ATG2B: variants seen among roughly 807,000 people sequenced by gnomAD.
The protein encoded by ATG2B is autophagy related 2B, also known as autophagy-related protein 2 homolog B.
Under a neutral mutation model 241.3 loss-of-function variants are expected in ATG2B, and 121 were observed. The observed-to-expected ratio is 0.50, with a 90% CI of 0.43 to 0.58. The LOEUF is 0.58. Ranked by LOEUF, ATG2B falls within the 20% of genes least tolerant of loss-of-function variation. ATG2B has a pLI of 0.00. For synonymous variants in ATG2B, 858 were observed against 876.6 expected (o/e 0.98, Z 0.37); for missense variants, 2,306 against 2,491.6 (o/e 0.93, Z 1.59).
At position 96,332,675 on chromosome 14, in the gene ATG2B, G is replaced by A. The variant is rs755074890; in HGVS notation, c.1208-20C>T. On this transcript the variant is annotated intron_variant, in intron 8 of 41. Transcript: ENST00000359933. ...CTTCTTCTAGAGAGAATTAAACTATGTCACTTGTATTATAATCCCACCAAT... is the reference window on the plus strand; with the variant it reads ...CTTCTTCTAGAGAGAATTAAACTATATCACTTGTATTATAATCCCACCAAT... The A allele has an allele frequency of 6.6e-7, 1 of 1,524,590 alleles. No individual in the cohort carries two copies. Among genetic ancestry groups the A allele is most frequent in the East Asian group, 2.3e-5 (1 of 43,982 alleles). 94.4% of individuals were successfully genotyped at this position (1,524,590 alleles called of 1,614,324 possible).
chr14:96,334,423 C>T lies in ATG2B; in HGVS notation c.1003G>A (p.Ala335Thr), dbSNP rs146136577. 1.9e-6 allele frequency: 3 copies of T among 1,608,928 alleles called. No individual in the cohort carries two copies. Among genetic ancestry groups the T allele is most frequent in the Non-Finnish European group, 2.5e-6 (3 of 1,177,828 alleles). The change falls in exon 7 of 42, where the codon GCA becomes ACA. Residue 335 changes from alanine (A) to threonine (T), a missense_variant. By Grantham distance (58) the Ala-to-Thr change is moderately conservative. This residue lies in a region of ATG2B where 1,927 missense variants were observed against 2,011.2 expected (regional missense o/e 0.96). Coordinates refer to ENST00000359933, the MANE Select transcript of ATG2B (RefSeq NM_018036.7). ...TACTTGCCTGGTCCAGCAATAGCTG[C>T]CAACATATCCAAAAGCAAGTGCACC... is the stretch of plus-strand genomic sequence containing the variant. Reference protein sequence around the residue: ...RQVHLLLDMLAAIAGPENSSK... With the variant: ...RQVHLLLDMLTAIAGPENSSK...
intron 1 of ATG2B, 81 bp downstream of exon 1, chr14:96,362,734 C>T (rs1035212893): frequency 8.5e-6 from 12 of 1,409,068 alleles, no homozygotes; most frequent in Admixed American, 4.5e-5. Flanking sequence ...GACTGACTGT[C>T]ACCAATCTTG....
intron 6 of ATG2B, among the ~76,000 whole-genome samples, chr14:96,336,169 AC>A (rs1240483477): frequency 2.0e-5 from 3 of 151,804 alleles, no homozygotes; most frequent in East Asian, 1.9e-4. Flanking sequence ...AAAAAAAAAA[AC>A]ATGAAATCTT....
intron 6 of ATG2B, among the ~76,000 whole-genome samples, chr14:96,340,601 C>T (rs1888007230): frequency 6.6e-6 from 1 of 152,028 alleles, no homozygotes; most frequent in Non-Finnish European, 1.5e-5. Flanking sequence ...TACTGATTAT[C>T]ACTTAACTTA....
At chr14:96,315,003 T>C (rs1311902018) in intron 23 of ATG2B, 151 bp downstream of exon 23, 12 of 633,978 alleles carry the variant, frequency 1.9e-5, no homozygotes, top group Non-Finnish European at 2.7e-5. Context: ...TACTGTTCTA[T>C]TTCTTAACCT....
rs972744525 is a variant in ATG2B at position 96,363,045 on chromosome 14, C to A, written c.-69G>T. 1 of 1,586,510 alleles carries A rather than the reference C, an allele frequency of 6.3e-7. No homozygotes were observed. Among genetic ancestry groups the A allele is most frequent in the African/African-American group, 1.3e-5 (1 of 74,118 alleles). The stretch of plus-strand genomic sequence containing the variant: ...CGGCTCCGGCCTCGGGGTAGCGACT[C>A]CGGCTCCAGGCCGCGGCGGGGCCTA... On this transcript the variant is annotated 5_prime_UTR_variant, in exon 1 of 42. Coordinates refer to ENST00000359933, the MANE Select transcript of ATG2B (RefSeq NM_018036.7).
intron 16 of ATG2B, among the ~76,000 whole-genome samples, chr14:96,323,379 A>C (rs1887507670): frequency 6.6e-6 from 1 of 152,188 alleles, no homozygotes; most frequent in Non-Finnish European, 1.5e-5. Flanking sequence ...CAGACTTTTC[A>C]TTCTCCTTTG....
In ATG2B at chr14:96,315,452, C is replaced by T. The variant is rs1044988055; in HGVS notation, c.3493G>A (p.Gly1165Arg). 1.2e-6 allele frequency: 2 copies of T among 1,613,986 alleles called. No individual in the cohort carries two copies. Among genetic ancestry groups the T allele is most frequent in the Admixed American group, 1.7e-5 (1 of 60,006 alleles). The change falls in exon 22 of 42, where the codon GGA (glycine) becomes AGA (arginine). Residue 1165 changes from glycine to arginine, a missense_variant. By Grantham distance (125) the Gly-to-Arg change is moderately radical (BLOSUM62 -2). Coordinates refer to ENST00000359933, the MANE Select transcript of ATG2B (RefSeq NM_018036.7). ...LSKTSSDGVG[G>R]DSLNMLSVAV... ...ACAGACAGCATATTCAAACTGTCTC[C>T]TCCAACTCCATCTGAAGAAGTTTTA... is the stretch of plus-strand genomic sequence containing the variant.
chr14:96,354,356 C>T (rs1194164077), intron 1 of ATG2B, among the ~76,000 whole-genome samples: 1 of 152,170 alleles, frequency 6.6e-6, no homozygotes, highest in African/African-American at 2.4e-5. Flanking sequence ...CATTCAGCTC[C>T]CACTTGAGAA....
At chr14:96,349,865 AAC>A (rs1032578472) in intron 1 of ATG2B, among the ~76,000 whole-genome samples, 13 of 152,188 alleles carry the variant, frequency 8.5e-5, no homozygotes, top group African/African-American at 3.1e-4. Context: ...TAACATTACA[AAC>A]ACAGAGGGTA....
At chr14:96,335,693 C>T (rs969860003) in intron 6 of ATG2B, among the ~76,000 whole-genome samples, 2 of 152,134 alleles carry the variant, frequency 1.3e-5, no homozygotes, top group African/African-American at 4.8e-5. Flanking sequence ...TACGGGGCAC[C>T]TTCCTGACTA....
Position 96,325,706 on chromosome 14 carries a change from T to C in ATG2B, c.2380A>G (p.Ile794Val), listed in dbSNP as rs1437290786. Reference protein sequence around the residue: ...FTDLEFKTEFIGGSTPEQIKL... With the variant: ...FTDLEFKTEFVGGSTPEQIKL... Reference sequence around the variant, plus strand: ...ATTTGTTCTGGGGTTGATCCTCCTATAAATTCAGTCTTAAATTCTAGATCT... The same window carrying C: ...ATTTGTTCTGGGGTTGATCCTCCTACAAATTCAGTCTTAAATTCTAGATCT... The change falls in exon 15 of 42, where the codon ATA becomes GTA. Residue 794 changes from isoleucine (I) to valine (V), a missense_variant. Physicochemically the swap from Ile to Val is conservative, Grantham distance 29 (BLOSUM62 3). Coordinates refer to ENST00000359933, the MANE Select transcript of ATG2B (RefSeq NM_018036.7). 2.5e-6 allele frequency: 4 copies of C among 1,613,834 alleles called. No individual in the cohort carries two copies. The highest frequency in any genetic ancestry group is 2.2e-5 in the East Asian group (1 of 44,850).
chr14:96,295,892 G>A (rs1018140446), intron 34 of ATG2B, among the ~76,000 whole-genome samples: 2 of 152,180 alleles, frequency 1.3e-5, no homozygotes, highest in African/African-American at 2.4e-5. Flanking sequence ...TAGAAATGGA[G>A]CACTCTCACT....
At chr14:96,298,819 T>C (rs1286558796) in intron 34 of ATG2B, among the ~76,000 whole-genome samples, 1 of 152,198 alleles carries the variant, frequency 6.6e-6, no homozygotes, top group African/African-American at 2.4e-5. Flanking sequence ...ATATCTCAAC[T>C]GGGGTAGTAG....
chr14:96,291,800 A>C, intron 37 of ATG2B, 118 bp from the exon 38 acceptor site: 1 of 708,510 alleles, frequency 1.4e-6, no homozygotes, highest in South Asian at 2.3e-5. Context: ...AACACTTAAA[A>C]TATTTACAGT....
chr14:96,333,570 A>C (rs1429762118), intron 8 of ATG2B, 118 bp downstream of exon 8: 6 of 904,212 alleles, frequency 6.6e-6, no homozygotes, highest in Non-Finnish European at 9.9e-6. Flanking sequence ...GATTTCTTAC[A>C]ATGTGGATCT....
In ATG2B at chr14:96,289,077, T is replaced by C. The variant is rs532573172; in HGVS notation, c.6006+579A>G. ...TAAAACTGTGGAAATTAGACCTACA[T>C]GGATTAAGATTAACATGGATCTATC... On this transcript the variant is annotated intron_variant, in intron 41 of 41. Coordinates refer to ENST00000359933, the MANE Select transcript of ATG2B (RefSeq NM_018036.7). This position sits in a 1 kb window ranked among gnomAD's most constrained non-coding sequence, Gnocchi z 4.3. Among the ~76,000 whole-genome samples, 5 of 152,280 alleles carry C rather than the reference T, an allele frequency of 3.3e-5. No homozygotes were observed. In the South Asian group the frequency reaches 1.0e-3, roughly 32 times the overall value.
chr14:96,351,003 A>T (rs1278521992), intron 1 of ATG2B, among the ~76,000 whole-genome samples: 1 of 152,164 alleles, frequency 6.6e-6, no homozygotes, highest in African/African-American at 2.4e-5. Context: ...CTAAGGTATA[A>T]AAACCTCCAG....
At position 96,325,849 on chromosome 14, in the gene ATG2B, G is replaced by A; in HGVS notation, c.2237C>T (p.Ala746Val). ...AACAGAAAGGTTTAATGCTGGTGTG[G>A]CAACTTGTACTGATATCCGACAATT... The part of the protein sequence containing the change: ...PANCRISVQV[A>V]TPALNLSVRF... The change falls in exon 15 of 42, where the codon GCC (alanine) becomes GTC (valine). Residue 746 changes from alanine to valine, a missense_variant. Coordinates refer to ENST00000359933, the MANE Select transcript of ATG2B (RefSeq NM_018036.7). 1 of 1,613,964 alleles carries A rather than the reference G, an allele frequency of 6.2e-7. No individual in the cohort carries two copies. The highest frequency in any genetic ancestry group is 1.3e-5 in the African/African-American group (1 of 75,012).
Sources: gnomAD v4.1 joint callset for allele counts (sites outside exome capture counted in the v4.1 genomes callset) on GRCh38, gnomAD v4.1.1 for gene constraint, gnomAD v4.1.1 regional missense constraint, Gnocchi (gnomAD v3.1) non-coding constraint, MANE v1.5 for transcripts, NCBI Gene and HGNC (gene_info 2026-07-23, HGNC 2026-07-21) for gene names.